PCCA: variants seen among roughly 807,000 people sequenced by gnomAD.
The protein encoded by PCCA is propionyl-CoA carboxylase subunit alpha.
Under a neutral mutation model 101.3 loss-of-function variants are expected in PCCA, and 74 were observed. That is an observed-to-expected ratio of 0.73 (90% confidence interval 0.61 to 0.89). The LOEUF is 0.89. PCCA is among the 40% of genes least tolerant of loss of function. The probability of loss-of-function intolerance (pLI) is 0.00; values close to 1 mark genes in which losing one functional copy is unlikely to be tolerated. For synonymous variants in PCCA, 294 were observed against 313.6 expected (o/e 0.94, Z 0.66); for missense variants, 891 against 907.0 (o/e 0.98, Z 0.23).
intron 22 of PCCA, among the ~76,000 whole-genome samples, chr13:100,517,039 A>T (rs967840778): frequency 8.1e-6 from 1 of 124,196 alleles, no homozygotes; most frequent in African/African-American, 3.1e-5. Flanking sequence ...GGCTTTAATT[A>T]TAAAATCGTG....
At chr13:100,347,319 A>G (rs2072423867) in intron 18 of PCCA, among the ~76,000 whole-genome samples, 2 of 152,212 alleles carry the variant, frequency 1.3e-5, no homozygotes, top group South Asian at 4.1e-4. Context: ...TACTTGCTTC[A>G]TTGCAGTGGT....
At chr13:100,226,598 G>C (rs1318288147) in intron 7 of PCCA, among the ~76,000 whole-genome samples, 1 of 152,192 alleles carries the variant, frequency 6.6e-6, no homozygotes, top group Non-Finnish European at 1.5e-5. Context: ...GCAATACCGA[G>C]TTCGTAGATC....
rs558268563 is a variant in PCCA at position 100,236,000 on chromosome 13, C to G, written c.637+122C>G. On this transcript the variant is annotated intron_variant, in intron 8 of 23. Transcript: ENST00000376285. ...CTTTAATAGTTTTAGATTTTGATTA[C>G]TTGTTGCTCTGGAAGAATGTATCAG... 251 of 702,770 alleles carry G rather than the reference C, an allele frequency of 3.6e-4. 3 individuals are homozygous for G. Among genetic ancestry groups the G allele is most frequent in the South Asian group, 3.2e-3 (204 of 64,272 alleles). 43.5% of individuals were successfully genotyped at this position (702,770 alleles called of 1,614,324 possible). A position where few individuals can be genotyped will look rare whatever the true frequency, so the allele number is the denominator to read the frequency against.
At chr13:100,456,089 T>A (rs1418424328) in intron 21 of PCCA, among the ~76,000 whole-genome samples, 1 of 152,198 alleles carries the variant, frequency 6.6e-6, no homozygotes, top group African/African-American at 2.4e-5. Flanking sequence ...TCTTCTTAAT[T>A]TTTGCCAGTG....
At chr13:100,223,355 G>A (rs1432709083) in intron 7 of PCCA, among the ~76,000 whole-genome samples, 2 of 152,024 alleles carry the variant, frequency 1.3e-5, no homozygotes, top group African/African-American at 4.8e-5. Flanking sequence ...GGATGTGTTC[G>A]GAGTTTCTTC....
intron 12 of PCCA, among the ~76,000 whole-genome samples, chr13:100,290,829 A>G (rs1336459596): frequency 6.6e-6 from 1 of 152,122 alleles, no homozygotes; most frequent in African/African-American, 2.4e-5. Context: ...CAGGTTACTA[A>G]TTCAGGTTGC....
At chr13:100,332,004 G>A (rs1337144109) in intron 17 of PCCA, among the ~76,000 whole-genome samples, 1 of 137,864 alleles carries the variant, frequency 7.3e-6, no homozygotes, top group Non-Finnish European at 1.5e-5. Context: ...TAGTGGCACA[G>A]TCTTGGCTTA....
In PCCA at chr13:100,348,915, TTTTCTTTTCTTTTCTTTTC is replaced by T. The variant is rs1566977587; in HGVS notation, c.1643+8669_1643+8687del. 4.3e-4 allele frequency among the ~76,000 whole-genome samples: 17 copies of T among 39,248 alleles called. No homozygotes were observed. In the South Asian group the frequency reaches 7.7e-3, roughly 18 times the overall value. The allele number at this position is 39,248 out of a possible 152,430, so 25.7% of individuals were successfully genotyped here. A position where few individuals can be genotyped will look rare whatever the true frequency, so the allele number is the denominator to read the frequency against. Reference sequence around the variant, plus strand: ...TTTCCTTCCTTCCTTCCTTCCTTTCTTTTCTTTTCTTTTCTTTTCTTTCTTTTCTTTCTTTTCTTTCTTT... The same window carrying T: ...TTTCCTTCCTTCCTTCCTTCCTTTCTTTTCTTTTCTTTCTTTTCTTTCTTT... On this transcript the variant is annotated intron_variant, in intron 18 of 23. Transcript: ENST00000376285.
chr13:100,224,116 G>A (rs1469307358), intron 7 of PCCA, among the ~76,000 whole-genome samples: 1 of 152,224 alleles, frequency 6.6e-6, no homozygotes, highest in Non-Finnish European at 1.5e-5. Flanking sequence ...GCACATCAGG[G>A]AGGCTCTGGC....
At chr13:100,118,576 GTC>G (rs2049053583) in intron 4 of PCCA, among the ~76,000 whole-genome samples, 1 of 151,864 alleles carries the variant, frequency 6.6e-6, no homozygotes, top group Non-Finnish European at 1.5e-5. Context: ...TTGTGACAGA[GTC>G]TCTCTCAGTT....
intron 20 of PCCA, among the ~76,000 whole-genome samples, chr13:100,447,429 C>A (rs368547413): frequency 2.6e-5 from 4 of 151,254 alleles, no homozygotes; most frequent in South Asian, 4.2e-4. Flanking sequence ...GTGGCTCATA[C>A]CTGTAATCCC....
chr13:100,335,742 T>A (rs1011686513), intron 17 of PCCA, among the ~76,000 whole-genome samples: 2 of 152,152 alleles, frequency 1.3e-5, no homozygotes, highest in East Asian at 3.9e-4. Flanking sequence ...CCAGCTTTGT[T>A]CCTCAGTTGG....
chr13:100,526,143 G>A (rs1401430542), intron 22 of PCCA, among the ~76,000 whole-genome samples: 1 of 152,138 alleles, frequency 6.6e-6, no homozygotes, highest in Admixed American at 6.5e-5. Context: ...CCTTTGAAGA[G>A]AGAAAAAAGG....
intron 2 of PCCA, among the ~76,000 whole-genome samples, chr13:100,109,689 G>C (rs1378331287): frequency 6.6e-6 from 1 of 152,194 alleles, no homozygotes; most frequent in Non-Finnish European, 1.5e-5. Flanking sequence ...GAGTGGCTTC[G>C]AGTTTTATCA....
intron 12 of PCCA, among the ~76,000 whole-genome samples, chr13:100,276,046 T>C (rs1037833605): frequency 6.6e-6 from 1 of 152,090 alleles, no homozygotes; most frequent in Non-Finnish European, 1.5e-5. Context: ...CCAATGACTT[T>C]ATGTTGCCTT....
chr13:100,352,565 A>T (rs780904252), intron 18 of PCCA, among the ~76,000 whole-genome samples: 1 of 151,370 alleles, frequency 6.6e-6, no homozygotes, highest in Admixed American at 6.6e-5. Context: ...GGCTATATAT[A>T]TATTTTTAAA....
intron 21 of PCCA, among the ~76,000 whole-genome samples, chr13:100,504,944 A>G: frequency 6.6e-6 from 1 of 152,016 alleles, no homozygotes; most frequent in Non-Finnish European, 1.5e-5. Context: ...CAAAAAAAAA[A>G]GAATTCACTT....
chr13:100,461,310 A>G (rs1345999863), intron 21 of PCCA, among the ~76,000 whole-genome samples: 1 of 152,242 alleles, frequency 6.6e-6, no homozygotes, highest in Non-Finnish European at 1.5e-5. Flanking sequence ...TGCATCATTC[A>G]TATTTATAGA....
intron 20 of PCCA, among the ~76,000 whole-genome samples, chr13:100,443,689 G>A (rs1201866770): frequency 6.6e-6 from 1 of 151,402 alleles, no homozygotes; most frequent in Non-Finnish European, 1.5e-5. Flanking sequence ...CAAGATTAAA[G>A]TTTTTTGTGC....
Sources: gnomAD v4.1 joint callset for allele counts (sites outside exome capture counted in the v4.1 genomes callset) on GRCh38, gnomAD v4.1.1 for gene constraint, MANE v1.5 for transcripts, NCBI Gene and HGNC (gene_info 2026-07-23, HGNC 2026-07-21) for gene names.